The following MYOM1 variants were observed in gnomAD, a reference collection of about 807,000 sequenced individuals.
MYOM1 encodes the protein myomesin-1.
Under a neutral mutation model 205.3 loss-of-function variants are expected in MYOM1, and 164 were observed. That is an observed-to-expected ratio of 0.80 (90% CI 0.70 to 0.91). The LOEUF is 0.91. MYOM1 is among the 40% of genes least tolerant of loss of function. MYOM1 has a pLI of 0.00. For missense variants in MYOM1, 2,011 were observed against 2,127.3 expected (o/e 0.95, Z 1.08); for synonymous variants, 772 against 789.4 (o/e 0.98, Z 0.37).
At chr18:3,131,346 C>A in intron 17 of MYOM1, 29 bp downstream of exon 17, 1 of 1,605,962 alleles carries the variant, frequency 6.2e-7, no homozygotes, top group Non-Finnish European at 8.5e-7. Flanking sequence ...TCCATTTTTC[C>A]CCCATACAGT....
intron 22 of MYOM1, among the ~76,000 whole-genome samples, chr18:3,105,239 G>A (rs1282556346): frequency 6.6e-6 from 1 of 152,046 alleles, no homozygotes; most frequent in Non-Finnish European, 1.5e-5. Flanking sequence ...TTGCTATAGG[G>A]GCAGATAGCT....
intron 9 of MYOM1, among the ~76,000 whole-genome samples, chr18:3,164,953 A>G (rs201154845): frequency 9.2e-5 from 3 of 32,670 alleles, no homozygotes; most frequent in African/African-American, 3.4e-4. Context: ...TTTTAAATCA[A>G]TATAATCAAA....
the MYOM1 span, among the ~76,000 whole-genome samples, chr18:3,235,205 T>C: frequency 6.6e-6 from 1 of 152,230 alleles, no homozygotes; most frequent in Non-Finnish European, 1.5e-5. Flanking sequence ...CTCTTTGTAC[T>C]GTGTTTGGGT....
intron 2 of MYOM1, among the ~76,000 whole-genome samples, chr18:3,197,574 TAAA>T (rs1483159653): frequency 6.6e-6 from 1 of 151,956 alleles, no homozygotes; most frequent in African/African-American, 2.4e-5. Flanking sequence ...TGATTTTTTT[TAAA>T]AAAAGAAGTG....
chr18:3,238,773 GA>G, the MYOM1 span, among the ~76,000 whole-genome samples: 7 of 152,054 alleles, frequency 4.6e-5, no homozygotes, highest in Non-Finnish European at 1.0e-4. Flanking sequence ...GGCTCTAGGG[GA>G]GAATCAGTTT....
At chr18:3,194,969 A>T (rs1311794355) in intron 2 of MYOM1, among the ~76,000 whole-genome samples, 2 of 152,214 alleles carry the variant, frequency 1.3e-5, no homozygotes, top group Non-Finnish European at 2.9e-5. Context: ...TCTAAAGACA[A>T]GGTGAACAGG....
At chr18:3,195,603 T>C (rs2080983342) in intron 2 of MYOM1, among the ~76,000 whole-genome samples, 1 of 152,236 alleles carries the variant, frequency 6.6e-6, no homozygotes, top group Non-Finnish European at 1.5e-5. Flanking sequence ...ATTTCTCTCC[T>C]GTTTTTCTGC....
At chr18:3,143,900 C>CAAAAAAAAAAAA (rs55830599) in intron 13 of MYOM1, among the ~76,000 whole-genome samples, 1 of 49,370 alleles carries the variant, frequency 2.0e-5, no homozygotes, top group South Asian at 1.0e-3. Flanking sequence ...GACCCTGTCT[C>CAAAAAAAAAAAA]AAAAAAAAAA....
At chr18:3,127,942 GT>G (rs527340544) in intron 18 of MYOM1, among the ~76,000 whole-genome samples, 148 of 152,286 alleles carry the variant, frequency 9.7e-4, no homozygotes, top group African/African-American at 2.8e-3. Context: ...CTTCATTTAT[GT>G]GGCTTTGCTG....
chr18:3,213,302 G>A (rs1038629227), intron 2 of MYOM1, among the ~76,000 whole-genome samples: 1 of 152,188 alleles, frequency 6.6e-6, no homozygotes, highest in Non-Finnish European at 1.5e-5. Context: ...AGTATGTTAT[G>A]TTTATAGCAA....
intron 34 of MYOM1, among the ~76,000 whole-genome samples, chr18:3,077,469 T>G (rs1303322666): frequency 6.6e-6 from 1 of 152,190 alleles, no homozygotes; most frequent in African/African-American, 2.4e-5. Context: ...AGGCTTACAG[T>G]TGCTAGTCCT....
rs549386891 is a variant in MYOM1 at position 3,182,913 on chromosome 18, CTTTTTTTTTT to C, written c.929+4557_929+4566del. ...CCTCTGCAACTAACTTTTCTTTCTT[CTTTTTTTTTT>C]TTTTTTTTTTTTTTTTTTTGAGACA... On this transcript the variant is annotated intron_variant, in intron 5 of 37. Transcript: ENST00000356443. Among the ~76,000 whole-genome samples the C allele has an allele frequency of 1.4e-3, 131 of 92,286 alleles. 1 individual carries two copies. In the South Asian group the frequency reaches 0.036, roughly 25 times the overall value. 60.5% of individuals were successfully genotyped at this position (92,286 alleles called of 152,430 possible). A position where few individuals can be genotyped will look rare whatever the true frequency, so the allele number is the denominator to read the frequency against.
chr18:3,164,400 C>A lies in MYOM1; in HGVS notation c.1379G>T (p.Trp460Leu), dbSNP rs770564336. 1.3e-5 allele frequency: 21 copies of A among 1,610,020 alleles called. No individual in the cohort carries two copies. The highest frequency in any genetic ancestry group is 1.8e-5 in the Non-Finnish European group (21 of 1,177,888). The change falls in exon 10 of 38, where the codon TGG becomes TTG. Residue 460 changes from tryptophan to leucine, a missense_variant. Trp to Leu is a moderately conservative substitution (Grantham distance 61). Transcript: ENST00000356443. ...LSPSKWVQTLWSGERATLTFS... is the reference protein window; with the variant it reads ...LSPSKWVQTLLSGERATLTFS... ...TGTCAGCGTTGCCCGCTCTCCACTC[C>A]AAAGTGTTTGCACCCATTTTGATGG...
At chr18:3,180,466 A>G (rs1001118368) in intron 5 of MYOM1, among the ~76,000 whole-genome samples, 6 of 152,228 alleles carry the variant, frequency 3.9e-5, no homozygotes, top group Non-Finnish European at 8.8e-5. Flanking sequence ...TTAGGTTTGC[A>G]GTCACTTGAG....
intron 35 of MYOM1, 33 bp from the exon 36 acceptor site, chr18:3,075,509 G>GAA (rs1286726850): frequency 6.2e-7 from 1 of 1,609,628 alleles, no homozygotes; most frequent in Non-Finnish European, 8.5e-7. Context: ...AACAGACGAA[G>GAA]AATTTTGTGT....
chr18:3,226,561 G>A, the MYOM1 span, among the ~76,000 whole-genome samples: 4 of 152,018 alleles, frequency 2.6e-5, no homozygotes, highest in African/African-American at 4.8e-5. The surrounding 1 kb of genome is among the most constrained non-coding windows in gnomAD (Gnocchi z 4.6). Context: ...GCCAACACGC[G>A]CACACTTCCT....
the MYOM1 span, among the ~76,000 whole-genome samples, chr18:3,241,805 G>A: frequency 2.6e-5 from 4 of 152,230 alleles, no homozygotes; most frequent in African/African-American, 7.2e-5. Context: ...AAAGCCACAG[G>A]AGCAGAGCTT....
chr18:3,094,213 T>C lies in MYOM1; in HGVS notation c.3821A>G (p.Lys1274Arg), dbSNP rs770948943. Residue 1274 changes from lysine (K) to arginine (R), a missense_variant, in exon 26 of 38, where the codon AAA becomes AGA. Lys to Arg is a conservative substitution (Grantham distance 26). Transcript: ENST00000356443. ...CTTCTCGTTAAATATGTAGTTGACTTTGGCATTGCCAGACAGTTTCTCAGC... is the reference window on the plus strand; with the variant it reads ...CTTCTCGTTAAATATGTAGTTGACTCTGGCATTGCCAGACAGTTTCTCAGC... ...MQAEKLSGNA[K>R]VNYIFNEKEI... The C allele has an allele frequency of 6.2e-7, 1 of 1,614,012 alleles. No homozygotes were observed. Among genetic ancestry groups the C allele is most frequent in the African/African-American group, 1.3e-5 (1 of 75,058 alleles).
At chr18:3,169,072 C>CAAAAAAAAAAAA in intron 8 of MYOM1, 91 bp from the exon 9 acceptor site, 1 of 895,426 alleles carries the variant, frequency 1.1e-6, no homozygotes, top group South Asian at 1.9e-5. Flanking sequence ...GCAGTCACAG[C>CAAAAAAAAAAAA]AAAAAAAAAA....
Sources: gnomAD v4.1 joint callset for allele counts (sites outside exome capture counted in the v4.1 genomes callset) on GRCh38, gnomAD v4.1.1 for gene constraint, Gnocchi (gnomAD v3.1) non-coding constraint, MANE v1.5 for transcripts, NCBI Gene and HGNC (gene_info 2026-07-23, HGNC 2026-07-21) for gene names.